The following PPP1R9A variants were observed in gnomAD, a reference collection of about 807,000 sequenced individuals.
The protein encoded by PPP1R9A is protein phosphatase 1 regulatory subunit 9A.
A neutral mutation model predicts 141.9 loss-of-function variants in PPP1R9A; 59 were observed. The ratio of observed to expected loss-of-function variants is 0.42; its 90% confidence interval spans 0.34 to 0.52. PPP1R9A has a LOEUF of 0.52. Among genes scored for constraint, PPP1R9A ranks in the 20% least tolerant of loss-of-function variants. The probability of loss-of-function intolerance (pLI) is 0.10; values close to 1 mark genes in which losing one functional copy is unlikely to be tolerated. For synonymous variants in PPP1R9A, 500 were observed against 569.7 expected (o/e 0.88, Z 1.74); for missense variants, 1,444 against 1,611.9 (o/e 0.90, Z 1.78).
chr7:95,034,720 AC>A (rs1436871427), intron 2 of PPP1R9A, among the ~76,000 whole-genome samples: 3 of 152,222 alleles, frequency 2.0e-5, no homozygotes, highest in Non-Finnish European at 4.4e-5. Context: ...TGCTGCATTT[AC>A]CAATTATTTG....
At chr7:95,189,658 G>A (rs1368215250) in intron 5 of PPP1R9A, among the ~76,000 whole-genome samples, 1 of 151,534 alleles carries the variant, frequency 6.6e-6, no homozygotes, top group Non-Finnish European at 1.5e-5. Flanking sequence ...GGATGGTCTC[G>A]ATCTCCTGAC....
chr7:94,978,220 A>T (rs193079208), intron 2 of PPP1R9A, among the ~76,000 whole-genome samples: 165 of 152,336 alleles, frequency 1.1e-3, no homozygotes, highest in Middle Eastern at 6.8e-3. Context: ...TTCTTATAAG[A>T]TACCTAGCTA....
In PPP1R9A at chr7:95,140,555, A is replaced by AT. The variant is rs200168721; in HGVS notation, c.1649+19730dup. ...ACAGGCATGCCATTGTGCCCAGCTA[A>AT]TTTTTTTGTATTTTTAGTATAGACG... is the stretch of plus-strand genomic sequence containing the variant. On this transcript the variant is annotated intron_variant, in intron 4 of 19. Transcript: ENST00000433360. Among the ~76,000 whole-genome samples the AT allele has an allele frequency of 6.0e-3, 911 of 151,868 alleles. 8 individuals carry two copies. The highest frequency in any genetic ancestry group is 0.02 in the African/African-American group (818 of 41,426).
At chr7:95,265,878 C>A (rs1051214100) in intron 12 of PPP1R9A, among the ~76,000 whole-genome samples, 5 of 152,060 alleles carry the variant, frequency 3.3e-5, no homozygotes, top group Non-Finnish European at 5.9e-5. Flanking sequence ...TAGATTCCAG[C>A]TAACAGCATC....
intron 2 of PPP1R9A, among the ~76,000 whole-genome samples, chr7:95,022,291 G>A (rs951128808): frequency 3.3e-4 from 50 of 152,084 alleles, no homozygotes; most frequent in African/African-American, 1.2e-3. Context: ...TTGATGTATA[G>A]GAATGCTTGT....
Position 95,288,701 on chromosome 7 carries a change from G to A in PPP1R9A, c.3895G>A (p.Asp1299Asn). The A allele has an allele frequency of 6.2e-7, 1 of 1,613,876 alleles. No individual in the cohort carries two copies. Among genetic ancestry groups the A allele is most frequent in the Non-Finnish European group, 8.5e-7 (1 of 1,179,950 alleles). ...CACTGGAGAACAGCTCCTGCAGTTG[G>A]ATGGAAATAAACTTAAGGTAAAGAA... ...NITGEQLLQLDGNKLKALGMT... is the reference protein window; with the variant it reads ...NITGEQLLQLNGNKLKALGMT... The change falls in exon 19 of 20, where the codon GAT (aspartate) becomes AAT (asparagine). Residue 1299 changes from aspartate (D) to asparagine (N), a missense_variant. Asp to Asn is a conservative substitution (Grantham distance 23). Coordinates refer to ENST00000433360, the MANE Select transcript of PPP1R9A (RefSeq NM_001166160.2).
At chr7:95,021,704 C>T (rs1284328327) in intron 2 of PPP1R9A, among the ~76,000 whole-genome samples, 1 of 152,104 alleles carries the variant, frequency 6.6e-6, no homozygotes, top group Non-Finnish European at 1.5e-5. Context: ...CCAGTTTTCC[C>T]AACACCATTT....
At chr7:95,203,625 G>T in intron 6 of PPP1R9A, 40 bp from the exon 7 acceptor site, 1 of 1,463,586 alleles carries the variant, frequency 6.8e-7, no homozygotes, top group South Asian at 1.2e-5. Context: ...TCTGCGGTGG[G>T]GGTTAAGCCT....
At chr7:95,083,753 T>C (rs1207300257) in intron 2 of PPP1R9A, among the ~76,000 whole-genome samples, 2 of 151,948 alleles carry the variant, frequency 1.3e-5, no homozygotes, top group African/African-American at 4.9e-5. Context: ...AAGAAATATA[T>C]TTGTAATTGG....
chr7:95,253,266 A>G (rs577076062), intron 12 of PPP1R9A, among the ~76,000 whole-genome samples: 4 of 152,076 alleles, frequency 2.6e-5, no homozygotes, highest in Non-Finnish European at 5.9e-5. Flanking sequence ...GTGCAGTAAA[A>G]CCCTGTTATA....
At chr7:95,181,386 TAGAG>T (rs1014242724) in intron 5 of PPP1R9A, among the ~76,000 whole-genome samples, 2 of 137,738 alleles carry the variant, frequency 1.5e-5, no homozygotes, top group Non-Finnish European at 3.0e-5. Context: ...ATAGAGAGAA[TAGAG>T]AGAATATATA....
At chr7:94,990,998 TAGTA>T (rs1315569574) in intron 2 of PPP1R9A, among the ~76,000 whole-genome samples, 2 of 152,140 alleles carry the variant, frequency 1.3e-5, no homozygotes, top group Admixed American at 1.3e-4. Context: ...AATAGTGCTG[TAGTA>T]AGTAAGTATA....
chr7:95,077,976 G>GTTT (rs371101650), intron 2 of PPP1R9A, among the ~76,000 whole-genome samples: 2 of 139,618 alleles, frequency 1.4e-5, no homozygotes, highest in Non-Finnish European at 1.5e-5. Flanking sequence ...CTTCTACTCT[G>GTTT]TTTTTTTTTT....
At chr7:95,145,911 T>C (rs1014158275) in intron 4 of PPP1R9A, among the ~76,000 whole-genome samples, 1 of 152,212 alleles carries the variant, frequency 6.6e-6, no homozygotes, top group African/African-American at 2.4e-5. Flanking sequence ...TGATGGGCAT[T>C]TGGGTTGGTT....
intron 2 of PPP1R9A, among the ~76,000 whole-genome samples, chr7:94,989,437 A>G (rs1009661556): frequency 2.0e-5 from 3 of 152,034 alleles, no homozygotes; most frequent in Non-Finnish European, 2.9e-5. Flanking sequence ...ATGGGACAGA[A>G]TTTTCTTGCA....
intron 2 of PPP1R9A, among the ~76,000 whole-genome samples, chr7:94,938,233 T>C (rs1012550536): frequency 5.9e-5 from 9 of 152,138 alleles, no homozygotes; most frequent in African/African-American, 1.9e-4. Context: ...GAACTCTGCA[T>C]GTGGAGGGAT....
At chr7:95,268,420 A>G (rs561254479) in intron 12 of PPP1R9A, 130 bp from the exon 13 acceptor site, 4 of 920,440 alleles carry the variant, frequency 4.3e-6, no homozygotes, top group Admixed American at 2.5e-5. Flanking sequence ...TCTTGGTTAC[A>G]GGCTGTCATG....
chr7:95,252,624 C>T (rs540139115), intron 12 of PPP1R9A, among the ~76,000 whole-genome samples: 3 of 151,962 alleles, frequency 2.0e-5, no homozygotes, highest in South Asian at 2.1e-4. Flanking sequence ...TGTGCTACCA[C>T]GTCTGGCTAA....
Position 94,910,530 on chromosome 7 carries a change from C to T in PPP1R9A, c.417C>T (p.Phe139=). Residue 139 remains phenylalanine (F), a synonymous_variant, in exon 2 of 20, where the codon TTC becomes TTT. Transcript: ENST00000433360. This position sits in a 1 kb window ranked among gnomAD's most constrained non-coding sequence, Gnocchi z 4.5. ...TMYDGPSYSK[F]TETRKMFERS... The stretch of plus-strand genomic sequence containing the variant: ...ACGATGGCCCTTCATATTCCAAGTT[C>T]ACTGAGACTCGAAAGATGTTTGAGA... 1 of 1,614,150 alleles carries T rather than the reference C, an allele frequency of 6.2e-7. No homozygotes were observed. The highest frequency in any genetic ancestry group is 8.5e-7 in the Non-Finnish European group (1 of 1,180,042).
Sources: allele counts gnomAD v4.1 joint callset (sites outside exome capture counted in the v4.1 genomes callset), GRCh38; gene constraint gnomAD v4.1.1; non-coding constraint Gnocchi (gnomAD v3.1); transcripts MANE v1.5; gene names NCBI Gene and HGNC (gene_info 2026-07-23, HGNC 2026-07-21).